The following GJD4 variants were observed in gnomAD, a reference collection of about 807,000 sequenced individuals.
The protein encoded by GJD4 is gap junction delta-4 protein.
Under a neutral mutation model 17.9 loss-of-function variants are expected in GJD4, and 18 were observed. The ratio of observed to expected loss-of-function variants is 1.00; its 90% CI spans 0.69 to 1.49. The LOEUF is 1.49. GJD4 is among the 40% of genes most tolerant of loss of function. The pLI, the probability that GJD4 is intolerant of heterozygous loss-of-function variation, is 0.00. For synonymous variants in GJD4, 293 were observed against 236.8 expected (o/e 1.24, Z -2.18); for missense variants, 639 against 506.9 (o/e 1.26, Z -2.50).
At position 35,607,910 on chromosome 10, in the gene GJD4, G is replaced by A; in HGVS notation, c.397G>A (p.Gly133Ser). The change falls in exon 2 of 2, where the codon GGC (glycine) becomes AGC (serine). Residue 133 changes from glycine (G) to serine (S), a missense_variant. Coordinates refer to ENST00000321660, the MANE Select transcript of GJD4 (RefSeq NM_153368.3). ...CCCGCGGCCATTCGGGGAGCGCGGCGGCCTCCAGGTGCCCGACTTTTCGGC... is the reference window on the plus strand; with the variant it reads ...CCCGCGGCCATTCGGGGAGCGCGGCAGCCTCCAGGTGCCCGACTTTTCGGC... ...RCPRPFGERG[G>S]LQVPDFSAGY... The A allele has an allele frequency of 6.3e-7, 1 of 1,598,402 alleles. No individual in the cohort carries two copies. The highest frequency in any genetic ancestry group is 1.7e-4 in the Middle Eastern group (1 of 6,006).
Position 35,608,749 on chromosome 10 carries a change from C to G in GJD4, c.*123C>G. 1.5e-6 allele frequency: 1 copy of G among 672,714 alleles called. No homozygotes were observed. The highest frequency in any genetic ancestry group is 1.9e-5 in the African/African-American group (1 of 52,588). The allele number at this position is 672,714 out of a possible 1,614,324, so 41.7% of individuals were successfully genotyped here. On this transcript the variant is annotated 3_prime_UTR_variant, in exon 2 of 2. Coordinates refer to ENST00000321660, the MANE Select transcript of GJD4 (RefSeq NM_153368.3). ...CCCAAGAGTTTGAGACCAGCCTGGA[C>G]AACATAATGAGACCCTCGTCTCTAC... is the stretch of plus-strand genomic sequence containing the variant.
rs868391411 is a variant in GJD4, at chr10:35,607,942, C to T, written c.429C>T (p.Tyr143=). The part of the protein sequence containing the change: ...GLQVPDFSAG[Y]IIHLLLRTLL... ...AGGTGCCCGACTTTTCGGCCGGCTA[C>T]ATCATCCACCTCCTCCTCCGGACCC... Residue 143 remains tyrosine (Y), a synonymous_variant, in exon 2 of 2, where the codon TAC becomes TAT. Coordinates refer to ENST00000321660, the MANE Select transcript of GJD4 (RefSeq NM_153368.3). 1 of 1,608,820 alleles carries T rather than the reference C, an allele frequency of 6.2e-7. No individual in the cohort carries two copies.
At position 35,608,534 on chromosome 10, in the gene GJD4, C is replaced by T. The variant is rs531975885; in HGVS notation, c.1021C>T (p.Pro341Ser). 6.4e-7 allele frequency: 1 copy of T among 1,557,066 alleles called. No individual in the cohort carries two copies. The highest frequency in any genetic ancestry group is 1.2e-5 in the South Asian group (1 of 84,858). ...AGCAGCCCCCAGCCGCCTGGCCGCG[C>T]CCCCTTCCTGCAGCAGCCTGCAGCC... Reference protein sequence around the residue: ...PSAAPSRLAAPPSCSSLQPPD... With the variant: ...PSAAPSRLAASPSCSSLQPPD... The change falls in exon 2 of 2, where the codon CCC (proline) becomes TCC (serine). Residue 341 changes from proline (P) to serine (S), a missense_variant. Transcript: ENST00000321660.
chr10:35,605,393 C>T lies in GJD4; in HGVS notation c.-175C>T, dbSNP rs1236115756. 2.1e-5 allele frequency: 14 copies of T among 653,108 alleles called. No homozygotes were observed. The highest frequency in any genetic ancestry group is 1.4e-4 in the East Asian group (5 of 36,658). The allele number at this position is 653,108 out of a possible 1,614,324, so 40.5% of individuals were successfully genotyped here. A position where few individuals can be genotyped will look rare whatever the true frequency, so the allele number is the denominator to read the frequency against. Reference sequence around the variant, plus strand: ...GCCTCAGAGGCAAACGGCTTAGGGCCGTCTCAACTTGGAGACAGAAAAACC... The same window carrying T: ...GCCTCAGAGGCAAACGGCTTAGGGCTGTCTCAACTTGGAGACAGAAAAACC... On this transcript the variant is annotated 5_prime_UTR_variant, in exon 1 of 2. Coordinates refer to ENST00000321660, the MANE Select transcript of GJD4 (RefSeq NM_153368.3).
Position 35,608,181 on chromosome 10 carries a change from G to T in GJD4, c.668G>T (p.Arg223Leu). 1 of 1,597,254 alleles carries T rather than the reference G, an allele frequency of 6.3e-7. No individual in the cohort carries two copies. The highest frequency in any genetic ancestry group is 8.5e-7 in the Non-Finnish European group (1 of 1,175,708). ...LADLVCSLRRRMRRRPGPPTS... is the reference protein window; with the variant it reads ...LADLVCSLRRLMRRRPGPPTS... ...GACCTGGTCTGCAGCCTGCGGCGGC[G>T]GATGCGCAGGAGGCCGGGACCCCCC... Residue 223 changes from arginine to leucine, a missense_variant, in exon 2 of 2, where the codon CGG becomes CTG. Physicochemically the swap from Arg to Leu is moderately radical, Grantham distance 102 (BLOSUM62 -2). Coordinates refer to ENST00000321660, the MANE Select transcript of GJD4 (RefSeq NM_153368.3).
rs1444267827 is a variant in GJD4 at position 35,608,409 on chromosome 10, C to T, written c.896C>T (p.Thr299Ile). The change falls in exon 2 of 2, where the codon ACA becomes ATA. Residue 299 changes from threonine to isoleucine, a missense_variant. Transcript: ENST00000321660. The stretch of plus-strand genomic sequence containing the variant: ...CCGGATGAGGATGAGAGTGAGGTGA[C>T]ATCCTCCGCCAGCGAAAAGCTGGGC... ...KIPDEDESEV[T>I]SSASEKLGRQ... 3.2e-6 allele frequency: 5 copies of T among 1,549,496 alleles called. No individual in the cohort carries two copies. The highest frequency in any genetic ancestry group is 3.5e-6 in the Non-Finnish European group (4 of 1,147,044).
Position 35,608,513 on chromosome 10 carries a change from GC to G in GJD4, c.1005del (p.Ser336AlafsTer27), listed in dbSNP as rs752785611. The G allele has an allele frequency of 2.6e-6, 4 of 1,550,736 alleles. No homozygotes were observed. The highest frequency in any genetic ancestry group is 3.5e-6 in the Non-Finnish European group (4 of 1,148,140). ...AGGATCCGAGGAGCAGCCCTCAGCA[GC>G]CCCCAGCCGCCTGGCCGCGCCCCCT... The part of the protein sequence containing the change: ...GSGSEEQPSA[A>X]PSRLAAPPSC... On this transcript the variant is annotated frameshift_variant, in exon 2 of 2. Coordinates refer to ENST00000321660, the MANE Select transcript of GJD4 (RefSeq NM_153368.3). LOFTEE classifies it high-confidence loss of function.
At chr10:35,606,831 C>G (rs1489695900) in intron 1 of GJD4, 1 of 152,078 alleles carries the variant, frequency 6.6e-6, no homozygotes, top group Admixed American at 6.5e-5. Flanking sequence ...AAGACAAGCC[C>G]CATTCATTCC....
At position 35,608,533 on chromosome 10, in the gene GJD4, GC is replaced by G; in HGVS notation, c.1025del (p.Pro342LeufsTer21). On this transcript the variant is annotated frameshift_variant, in exon 2 of 2. Coordinates refer to ENST00000321660, the MANE Select transcript of GJD4 (RefSeq NM_153368.3). LOFTEE classifies it high-confidence loss of function. ...PSAAPSRLAA[P>X]PSCSSLQPPD... The stretch of plus-strand genomic sequence containing the variant: ...CAGCAGCCCCCAGCCGCCTGGCCGC[GC>G]CCCCTTCCTGCAGCAGCCTGCAGCC... 4 of 1,555,654 alleles carry G rather than the reference GC, an allele frequency of 2.6e-6. No homozygotes were observed. Among genetic ancestry groups the G allele is most frequent in the Non-Finnish European group, 3.5e-6 (4 of 1,151,060 alleles).
At position 35,608,265 on chromosome 10, in the gene GJD4, C is replaced by A; in HGVS notation, c.752C>A (p.Thr251Asn). ...GASGHAEGRR[T>N]DEEGGREEEG... Reference sequence around the variant, plus strand: ...TCAGGCCACGCGGAGGGACGCCGGACTGACGAGGAGGGTGGGCGGGAGGAA... The same window carrying A: ...TCAGGCCACGCGGAGGGACGCCGGAATGACGAGGAGGGTGGGCGGGAGGAA... Residue 251 changes from threonine to asparagine, a missense_variant, in exon 2 of 2, where the codon ACT (threonine) becomes AAT (asparagine). By Grantham distance (65) the Thr-to-Asn change is moderately conservative. Transcript: ENST00000321660. 1 of 1,570,204 alleles carries A rather than the reference C, an allele frequency of 6.4e-7. No homozygotes were observed. Among genetic ancestry groups the A allele is most frequent in the South Asian group, 1.2e-5 (1 of 86,774 alleles).
rs1451494948 is a variant in GJD4, at chr10:35,608,385, CGGATGA to C, written c.880_885del (p.Asp294_Glu295del). 1.9e-6 allele frequency: 3 copies of C among 1,551,608 alleles called. No homozygotes were observed. The highest frequency in any genetic ancestry group is 2.6e-6 in the Non-Finnish European group (3 of 1,148,078). ...AGGGTGTCAGGGCACACGAAGATTC[CGGATGA>C]GGATGAGAGTGAGGTGACATCCTCC... is the stretch of plus-strand genomic sequence containing the variant. On this transcript the variant is annotated inframe_deletion, in exon 2 of 2. Coordinates refer to ENST00000321660, the MANE Select transcript of GJD4 (RefSeq NM_153368.3).
rs761174554 is a variant in GJD4, at chr10:35,608,183, AT to A, written c.671del (p.Met224SerfsTer75). 7.5e-6 allele frequency: 12 copies of A among 1,597,238 alleles called. No homozygotes were observed. The highest frequency in any genetic ancestry group is 2.7e-5 in the African/African-American group (2 of 74,502). On this transcript the variant is annotated frameshift_variant, in exon 2 of 2. Coordinates refer to ENST00000321660, the MANE Select transcript of GJD4 (RefSeq NM_153368.3). LOFTEE classifies it high-confidence loss of function. The part of the protein sequence containing the change: ...ADLVCSLRRR[M>X]RRRPGPPTSP... Reference sequence around the variant, plus strand: ...CCTGGTCTGCAGCCTGCGGCGGCGGATGCGCAGGAGGCCGGGACCCCCCACA... The same window carrying A: ...CCTGGTCTGCAGCCTGCGGCGGCGGAGCGCAGGAGGCCGGGACCCCCCACA...
chr10:35,607,255 A>G (rs1033959027), intron 1 of GJD4: 3 of 329,248 alleles, frequency 9.1e-6, no homozygotes, highest in African/African-American at 6.6e-5. Context: ...TTCAGTGCTC[A>G]GTAAATATTT....
Position 35,608,371 on chromosome 10 carries a change from G to T in GJD4, c.858G>T (p.Gly286=). ...CCAGGCGTACATCCAGGGTGTCAGG[G>T]CACACGAAGATTCCGGATGAGGATG... ...GSPRRTSRVS[G]HTKIPDEDES... is the part of the protein sequence containing the mutation. Residue 286 remains glycine, a synonymous_variant, in exon 2 of 2, where the codon GGG becomes GGT. Coordinates refer to ENST00000321660, the MANE Select transcript of GJD4 (RefSeq NM_153368.3). 1 of 1,552,516 alleles carries T rather than the reference G, an allele frequency of 6.4e-7. No individual in the cohort carries two copies. Among genetic ancestry groups the T allele is most frequent in the African/African-American group, 1.4e-5 (1 of 73,406 alleles).
chr10:35,608,398 G>T lies in GJD4; in HGVS notation c.885G>T (p.Glu295Asp). The change falls in exon 2 of 2, where the codon GAG (glutamate) becomes GAT (aspartate). Residue 295 changes from glutamate (E) to aspartate (D), a missense_variant. Transcript: ENST00000321660. ...ACACGAAGATTCCGGATGAGGATGA[G>T]AGTGAGGTGACATCCTCCGCCAGCG... ...SGHTKIPDED[E>D]SEVTSSASEK... 1 of 1,550,478 alleles carries T rather than the reference G, an allele frequency of 6.4e-7. No individual in the cohort carries two copies. The highest frequency in any genetic ancestry group is 8.7e-7 in the Non-Finnish European group (1 of 1,147,398).
At chr10:35,606,496 T>G (rs915467308) in intron 1 of GJD4, 2 of 152,226 alleles carry the variant, frequency 1.3e-5, no homozygotes, top group Non-Finnish European at 2.9e-5. Context: ...CAGAAAAGGA[T>G]GAATATATGC....
rs1835499029 is a variant in GJD4 at position 35,608,762 on chromosome 10, C to T, written c.*136C>T. The T allele has an allele frequency of 1.7e-6, 1 of 604,116 alleles. No homozygotes were observed. 37.4% of individuals were successfully genotyped at this position (604,116 alleles called of 1,614,324 possible). A position where few individuals can be genotyped will look rare whatever the true frequency, so the allele number is the denominator to read the frequency against. ...GACCAGCCTGGACAACATAATGAGA[C>T]CCTCGTCTCTACAAAATATCTAAAA... is the stretch of plus-strand genomic sequence containing the variant. On this transcript the variant is annotated 3_prime_UTR_variant, in exon 2 of 2. Coordinates refer to ENST00000321660, the MANE Select transcript of GJD4 (RefSeq NM_153368.3).
Position 35,608,753 on chromosome 10 carries a change from A to G in GJD4, c.*127A>G, listed in dbSNP as rs7919686. On this transcript the variant is annotated 3_prime_UTR_variant, in exon 2 of 2. Coordinates refer to ENST00000321660, the MANE Select transcript of GJD4 (RefSeq NM_153368.3). ...AGAGTTTGAGACCAGCCTGGACAAC[A>G]TAATGAGACCCTCGTCTCTACAAAA... 2.3e-3 allele frequency: 1,490 copies of G among 646,546 alleles called. 19 individuals are homozygous for G. The African/African-American group carries it at 0.026, about 11-fold the overall frequency. 40.1% of individuals were successfully genotyped at this position (646,546 alleles called of 1,614,324 possible).
rs1835471990 is a variant in GJD4, at chr10:35,607,659, A to T, written c.146A>T (p.Gln49Leu). 1.2e-6 allele frequency: 2 copies of T among 1,614,088 alleles called. No individual in the cohort carries two copies. The highest frequency in any genetic ancestry group is 2.2e-5 in the East Asian group (1 of 44,896). The part of the protein sequence containing the change: ...LAGRPVYQDE[Q>L]ERFVCNTLQP... ...GGGCGACCCGTCTACCAGGACGAGC[A>T]GGAGAGGTTTGTCTGCAACACGCTG... The change falls in exon 2 of 2, where the codon CAG becomes CTG. Residue 49 changes from glutamine (Q) to leucine (L), a missense_variant. Coordinates refer to ENST00000321660, the MANE Select transcript of GJD4 (RefSeq NM_153368.3).
Sources: allele counts gnomAD v4.1 joint callset, GRCh38; gene constraint gnomAD v4.1.1; transcripts MANE v1.5; gene names NCBI Gene and HGNC (gene_info 2026-07-23, HGNC 2026-07-21).